DCC: variants seen among roughly 807,000 people sequenced by gnomAD.
DCC encodes netrin receptor DCC.
A neutral mutation model predicts 172.5 loss-of-function variants in DCC; 58 were observed. That is an observed-to-expected ratio of 0.34 (90% confidence interval 0.27 to 0.42). The LOEUF is 0.42. Among genes scored for constraint, DCC ranks in the 10% least tolerant of loss-of-function variants. The probability of loss-of-function intolerance (pLI) is 1.00; values close to 1 mark genes in which losing one functional copy is unlikely to be tolerated. For synonymous variants in DCC, 709 were observed against 644.5 expected (o/e 1.10, Z -1.52); for missense variants, 1,740 against 1,791.0 (o/e 0.97, Z 0.51).
intron 1 of DCC, among the ~76,000 whole-genome samples, chr18:52,391,802 G>T (rs1354532374): frequency 6.6e-6 from 1 of 152,088 alleles, no homozygotes; most frequent in Non-Finnish European, 1.5e-5. Context: ...TGGGGGTAGG[G>T]TGACTGGAAA....
chr18:52,572,903 G>T (rs2033333594), intron 1 of DCC, among the ~76,000 whole-genome samples: 2 of 152,154 alleles, frequency 1.3e-5, no homozygotes. Context: ...ACTGTACATT[G>T]CCTGGCTTTT....
At chr18:53,101,175 A>G (rs2043167380) in intron 7 of DCC, among the ~76,000 whole-genome samples, 1 of 152,116 alleles carries the variant, frequency 6.6e-6, no homozygotes, top group South Asian at 2.1e-4. Context: ...CCTTCCAGCT[A>G]GTTCCAGGTG....
At chr18:52,438,037 T>C (rs1987852818) in intron 1 of DCC, among the ~76,000 whole-genome samples, 1 of 152,176 alleles carries the variant, frequency 6.6e-6, no homozygotes, top group Admixed American at 6.5e-5. Context: ...GGCTTTCAGG[T>C]AGAACAGCAA....
intron 1 of DCC, among the ~76,000 whole-genome samples, chr18:52,386,900 T>C (rs1355144471): frequency 6.6e-6 from 1 of 152,090 alleles, no homozygotes; most frequent in Non-Finnish European, 1.5e-5. Flanking sequence ...GTCTAGTACC[T>C]ATTACAGATA....
intron 2 of DCC, among the ~76,000 whole-genome samples, chr18:52,789,592 A>C (rs2037722147): frequency 6.6e-6 from 1 of 152,208 alleles, no homozygotes; most frequent in African/African-American, 2.4e-5. Context: ...AACTTTATAA[A>C]AAGTAACCTC....
intron 15 of DCC, among the ~76,000 whole-genome samples, chr18:53,343,036 A>G (rs2057680084): frequency 6.6e-6 from 1 of 151,484 alleles, no homozygotes; most frequent in African/African-American, 2.4e-5. Context: ...GTATCCTAAT[A>G]TCTGCTAAAT....
rs565296603 is a variant in DCC at position 53,396,304 on chromosome 18, A to AT, written c.2689-996dup. ...TCATATTTATAAGAGGAATAGTCCC[A>AT]TTTTTTTTGCTTATATGGAAAATAT... On this transcript the variant is annotated intron_variant, in intron 17 of 28. Transcript: ENST00000442544. 2.2e-4 allele frequency among the ~76,000 whole-genome samples: 33 copies of AT among 151,894 alleles called. No individual in the cohort carries two copies. In the South Asian group the frequency reaches 4.8e-3, roughly 22 times the overall value.
intron 1 of DCC, among the ~76,000 whole-genome samples, chr18:52,719,181 C>T (rs940739472): frequency 4.7e-5 from 7 of 148,144 alleles, no homozygotes; most frequent in African/African-American, 1.7e-4. Context: ...GGATTTAGGG[C>T]CTACCCTAAA....
At chr18:53,035,765 C>T (rs911692236) in intron 5 of DCC, among the ~76,000 whole-genome samples, 1 of 151,986 alleles carries the variant, frequency 6.6e-6, no homozygotes, top group African/African-American at 2.4e-5. Flanking sequence ...TTATTGGCTT[C>T]ATATTAATCT....
intron 2 of DCC, among the ~76,000 whole-genome samples, chr18:52,775,889 A>T (rs1242159236): frequency 6.6e-6 from 1 of 152,198 alleles, no homozygotes; most frequent in East Asian, 1.9e-4. Flanking sequence ...AGCCCCAGCC[A>T]GGGACCTGCC....
intron 2 of DCC, among the ~76,000 whole-genome samples, chr18:52,763,995 A>G (rs761690156): frequency 2.7e-4 from 41 of 152,240 alleles, no homozygotes; most frequent in Admixed American, 3.3e-4. Context: ...CTAATAATTC[A>G]TTAATGAATG....
At chr18:52,694,544 T>A (rs911961028) in intron 1 of DCC, among the ~76,000 whole-genome samples, 1 of 152,134 alleles carries the variant, frequency 6.6e-6, no homozygotes, top group Non-Finnish European at 1.5e-5. Flanking sequence ...CCCAGTGTTA[T>A]TCTTTCTAAT....
intron 2 of DCC, among the ~76,000 whole-genome samples, chr18:52,808,214 C>T (rs115826135): frequency 6.7e-4 from 102 of 152,274 alleles, no homozygotes; most frequent in African/African-American, 2.3e-3. Context: ...GAATCTATTG[C>T]TATGTCTAAA....
chr18:52,571,495 C>G (rs2033291782), intron 1 of DCC, among the ~76,000 whole-genome samples: 1 of 152,100 alleles, frequency 6.6e-6, no homozygotes, highest in African/African-American at 2.4e-5. Flanking sequence ...AAACTTTTGA[C>G]TAGTCTTACT....
chr18:52,456,263 C>T (rs347538), intron 1 of DCC, among the ~76,000 whole-genome samples: 118,198 of 152,064 alleles, frequency 0.78, 46,778 homozygotes, highest in African/African-American at 0.93. Flanking sequence ...ATTATTATTG[C>T]TATTGTTACT....
At chr18:53,372,460 G>T (rs757034237) in intron 15 of DCC, among the ~76,000 whole-genome samples, 1 of 151,916 alleles carries the variant, frequency 6.6e-6, no homozygotes, top group Non-Finnish European at 1.5e-5. Flanking sequence ...CCTACTTGAG[G>T]GTAAAGGGTA....
chr18:53,256,032 T>C (rs898752243), intron 12 of DCC, among the ~76,000 whole-genome samples: 2 of 152,240 alleles, frequency 1.3e-5, no homozygotes, highest in African/African-American at 4.8e-5. Context: ...TGTCTGTTCA[T>C]GTCCTTCACC....
chr18:52,732,883 T>A (rs374631141), intron 1 of DCC, among the ~76,000 whole-genome samples: 4 of 152,304 alleles, frequency 2.6e-5, no homozygotes, highest in African/African-American at 9.6e-5. Flanking sequence ...GTAATCAGTG[T>A]TTATCTAGTA....
intron 16 of DCC, among the ~76,000 whole-genome samples, chr18:53,389,609 A>G (rs1237814647): frequency 1.3e-5 from 2 of 152,214 alleles, no homozygotes; most frequent in African/African-American, 4.8e-5. Flanking sequence ...AAGGATGACA[A>G]GCCACACCTG....
Sources: gnomAD v4.1 joint callset for allele counts (sites outside exome capture counted in the v4.1 genomes callset) on GRCh38, gnomAD v4.1.1 for gene constraint, MANE v1.5 for transcripts, NCBI Gene and HGNC (gene_info 2026-07-23, HGNC 2026-07-21) for gene names.